The following SPMAP2L variants were observed in gnomAD, a reference collection of about 807,000 sequenced individuals.
SPMAP2L encodes the protein sperm microtubule associated protein 2 like, also known as sperm microtubule associated protein 2-like.
chr4:56,600,097 CTTTTTTTTTTTT>C, the SPMAP2L span, among the ~76,000 whole-genome samples: 18 of 87,782 alleles, frequency 2.1e-4, no homozygotes, highest in East Asian at 1.9e-3. Context: ...TCTTTGCTTT[CTTTTTTTTTTTT>C]TTTTTTTTTT....
the SPMAP2L span, among the ~76,000 whole-genome samples, chr4:56,569,635 C>T: frequency 6.6e-6 from 1 of 151,976 alleles, no homozygotes; most frequent in East Asian, 1.9e-4. Flanking sequence ...CATGGTGAAA[C>T]CCTGTCTCTA....
chr4:56,548,148 CA>C, the SPMAP2L span, among the ~76,000 whole-genome samples: 3 of 152,238 alleles, frequency 2.0e-5, no homozygotes, highest in Admixed American at 1.3e-4. Context: ...TTATACTTTG[CA>C]AAAAAATTTT....
chr4:56,618,842 T>C, the SPMAP2L span, among the ~76,000 whole-genome samples: 761 of 152,294 alleles, frequency 5.0e-3, no homozygotes, highest in Middle Eastern at 0.02. Context: ...CCGGGGTGTT[T>C]GAAAAATTGA....
chr4:56,595,444 G>A, the SPMAP2L span: 11,930 of 1,606,314 alleles, frequency 7.4e-3, 530 homozygotes, highest in African/African-American at 0.11. Context: ...TCGGCAGGAA[G>A]TTGCTGACAT....
At chr4:56,594,884 T>G in the SPMAP2L span, 2 of 1,610,916 alleles carry the variant, frequency 1.2e-6, no homozygotes, top group Non-Finnish European at 1.7e-6. Flanking sequence ...CCCTGGAGAC[T>G]TTGGGTCTGA....
chr4:56,563,975 G>A, the SPMAP2L span, among the ~76,000 whole-genome samples: 241 of 152,162 alleles, frequency 1.6e-3, 3 homozygotes, highest in African/African-American at 5.4e-3. Flanking sequence ...CAATGAAGTC[G>A]TCTGGGCCTA....
the SPMAP2L span, among the ~76,000 whole-genome samples, chr4:56,580,919 T>G: frequency 1.3e-5 from 2 of 152,124 alleles, no homozygotes; most frequent in Admixed American, 6.5e-5. Flanking sequence ...TAAGGAATAT[T>G]GCTCAGCCTT....
the SPMAP2L span, chr4:56,603,077 C>G: frequency 6.0e-3 from 2,709 of 453,000 alleles, 62 homozygotes; most frequent in African/African-American, 0.049. Context: ...ATTTCCTTAT[C>G]TGTATAGTGG....
At chr4:56,594,933 C>T in the SPMAP2L span, 1 of 1,612,072 alleles carries the variant, frequency 6.2e-7, no homozygotes, top group Non-Finnish European at 8.5e-7. Flanking sequence ...TTCTGCATTC[C>T]CCACAGAGGA....
the SPMAP2L span, among the ~76,000 whole-genome samples, chr4:56,544,308 C>T: frequency 2.6e-5 from 4 of 152,164 alleles, no homozygotes; most frequent in South Asian, 2.1e-4. Context: ...TTTCCTTGCC[C>T]AGTTCTTTGT....
chr4:56,619,147 A>G, the SPMAP2L span, among the ~76,000 whole-genome samples: 1 of 152,234 alleles, frequency 6.6e-6, no homozygotes, highest in Non-Finnish European at 1.5e-5. Context: ...TAGTAATAAA[A>G]TAGAATAATT....
At chr4:56,563,991 T>A in the SPMAP2L span, among the ~76,000 whole-genome samples, 1 of 152,284 alleles carries the variant, frequency 6.6e-6, no homozygotes, top group South Asian at 2.1e-4. Context: ...GCCTAGAGTT[T>A]TTTGGTGAGA....
the SPMAP2L span, chr4:56,584,477 A>G: frequency 3.4e-6 from 5 of 1,456,500 alleles, no homozygotes; most frequent in Non-Finnish European, 4.6e-6. Context: ...ATAATATTTC[A>G]TGTTTCCATT....
At chr4:56,548,831 A>G in the SPMAP2L span, 9 of 1,482,198 alleles carry the variant, frequency 6.1e-6, no homozygotes, top group Admixed American at 2.3e-5. Flanking sequence ...ATGGTAAGAC[A>G]TAGTTATAGT....
chr4:56,544,522 A>G, the SPMAP2L span, among the ~76,000 whole-genome samples: 7 of 152,296 alleles, frequency 4.6e-5, no homozygotes, highest in East Asian at 1.3e-3. Context: ...GAGGCGAAAA[A>G]ACGTAAAAAA....
chr4:56,542,196 G>T, the SPMAP2L span, among the ~76,000 whole-genome samples: 1 of 152,204 alleles, frequency 6.6e-6, no homozygotes, highest in Admixed American at 6.5e-5. Flanking sequence ...ACTGGAGAAG[G>T]CACTAGCAGG....
chr4:56,567,302 T>TC, the SPMAP2L span, among the ~76,000 whole-genome samples: 1 of 151,852 alleles, frequency 6.6e-6, no homozygotes, highest in Non-Finnish European at 1.5e-5. Flanking sequence ...AGTGTCGCCA[T>TC]GTCACCCAGG....
the SPMAP2L span, chr4:56,595,695 T>G: frequency 9.2e-7 from 1 of 1,087,508 alleles, no homozygotes; most frequent in Non-Finnish European, 1.4e-6. Context: ...GTTGCCATTT[T>G]CTGAACAAAA....
chr4:56,547,150 T>C, the SPMAP2L span, among the ~76,000 whole-genome samples: 1 of 152,212 alleles, frequency 6.6e-6, no homozygotes, highest in Non-Finnish European at 1.5e-5. Context: ...CCAATAATTG[T>C]AACTACCATT....
Sources: allele counts gnomAD v4.1 joint callset (sites outside exome capture counted in the v4.1 genomes callset), GRCh38; gene constraint gnomAD v4.1.1; transcripts MANE v1.5; gene names NCBI Gene and HGNC (gene_info 2026-07-23, HGNC 2026-07-21).